The following UBAC2 variants were observed in gnomAD, a reference collection of about 807,000 sequenced individuals.
The protein encoded by UBAC2 is UBA domain containing 2.
A neutral mutation model predicts 44.0 loss-of-function variants in UBAC2; 26 were observed. The ratio of observed to expected loss-of-function variants is 0.59; its 90% CI spans 0.43 to 0.82. The LOEUF is 0.82. UBAC2 is among the 40% of genes least tolerant of loss of function. The pLI is 0.00. For synonymous variants in UBAC2, 155 were observed against 154.3 expected (o/e 1.00, Z -0.04); for missense variants, 329 against 419.4 (o/e 0.78, Z 1.88).
chr13:99,212,196 T>TTGGCATTTTTA (rs1378241391), intron 1 of UBAC2, among the ~76,000 whole-genome samples: 2 of 152,204 alleles, frequency 1.3e-5, no homozygotes, highest in Non-Finnish European at 2.9e-5. Flanking sequence ...AATTTTAAAA[T>TTGGCATTTTTA]TGGCATTTTT....
chr13:99,237,912 G>A (rs1241359635), intron 1 of UBAC2, among the ~76,000 whole-genome samples: 6 of 152,172 alleles, frequency 3.9e-5, no homozygotes, highest in South Asian at 2.1e-4. Flanking sequence ...CCGAGATTGC[G>A]CCACTGCACT....
Position 99,367,782 on chromosome 13 carries a change from T to C in UBAC2, c.808-5T>C. On this transcript the variant is annotated splice_region_variant and splice_polypyrimidine_tract_variant and intron_variant, in intron 7 of 8. Coordinates refer to ENST00000403766, the MANE Select transcript of UBAC2 (RefSeq NM_001144072.2). ...TCTGATAACTGTGTGTTGATCTCTT[T>C]TTAGGGAGGAATGATCAATTGGAAT... 1.9e-6 allele frequency: 3 copies of C among 1,613,928 alleles called. No homozygotes were observed. Among genetic ancestry groups the C allele is most frequent in the Non-Finnish European group, 2.5e-6 (3 of 1,179,856 alleles).
chr13:99,316,520 C>G (rs181642276), intron 5 of UBAC2, among the ~76,000 whole-genome samples: 1 of 152,224 alleles, frequency 6.6e-6, no homozygotes, highest in Non-Finnish European at 1.5e-5. Context: ...CCCATAACAT[C>G]ATGCCCTGTG....
At chr13:99,315,497 T>C (rs746186380) in intron 5 of UBAC2, among the ~76,000 whole-genome samples, 18 of 152,302 alleles carry the variant, frequency 1.2e-4, no homozygotes, top group Middle Eastern at 3.4e-3. Flanking sequence ...AAACACTGTT[T>C]TATTAATTGT....
chr13:99,231,409 T>G (rs2043171187), intron 1 of UBAC2: 2 of 110,262 alleles, frequency 1.8e-5, no homozygotes, highest in African/African-American at 7.4e-5. Context: ...TGTATACATT[T>G]TTTTTTTTTT....
intron 4 of UBAC2, among the ~76,000 whole-genome samples, chr13:99,287,035 TA>T (rs1594089207): frequency 6.6e-6 from 1 of 152,176 alleles, no homozygotes; most frequent in African/African-American, 2.4e-5. Context: ...AATTTTCAAA[TA>T]TACATAAATA....
intron 1 of UBAC2, among the ~76,000 whole-genome samples, chr13:99,220,701 C>G (rs976230770): frequency 6.6e-6 from 1 of 152,130 alleles, no homozygotes; most frequent in African/African-American, 2.4e-5. Flanking sequence ...TCTTAACCTT[C>G]TGTTTGATCT....
At chr13:99,291,595 C>T (rs1244777765) in intron 4 of UBAC2, among the ~76,000 whole-genome samples, 1 of 152,162 alleles carries the variant, frequency 6.6e-6, no homozygotes, top group African/African-American at 2.4e-5. Flanking sequence ...ACTGTCTGCC[C>T]TTGCCTCTTG....
chr13:99,278,691 G>A (rs1044220699), intron 4 of UBAC2, among the ~76,000 whole-genome samples: 1 of 152,114 alleles, frequency 6.6e-6, no homozygotes, highest in African/African-American at 2.4e-5. Flanking sequence ...TAGATAAGTT[G>A]AATGGATAGA....
chr13:99,369,041 A>G (rs952423488), intron 8 of UBAC2, among the ~76,000 whole-genome samples: 17 of 152,238 alleles, frequency 1.1e-4, no homozygotes, highest in Non-Finnish European at 7.3e-5. Flanking sequence ...AAGGATAGTA[A>G]GAATACATGC....
At chr13:99,248,912 T>C (rs2043422698) in intron 4 of UBAC2, among the ~76,000 whole-genome samples, 1 of 152,188 alleles carries the variant, frequency 6.6e-6, no homozygotes, top group Non-Finnish European at 1.5e-5. Flanking sequence ...CTCTGTCTTC[T>C]TTCCCTCTTT....
At chr13:99,307,392 A>G (rs191373302) in intron 4 of UBAC2, 1 of 152,202 alleles carries the variant, frequency 6.6e-6, no homozygotes, top group East Asian at 1.9e-4. Flanking sequence ...AGTTGTCCAA[A>G]CTGAAGTAAG....
At chr13:99,206,879 G>C (rs2042878851) in intron 1 of UBAC2, among the ~76,000 whole-genome samples, 1 of 152,186 alleles carries the variant, frequency 6.6e-6, no homozygotes, top group Non-Finnish European at 1.5e-5. Context: ...TCACCTGGGT[G>C]CTCCTTCCGC....
chr13:99,262,567 G>T (rs1274034868), intron 4 of UBAC2, among the ~76,000 whole-genome samples: 1 of 152,044 alleles, frequency 6.6e-6, no homozygotes, highest in African/African-American at 2.4e-5. Context: ...GCTGGGCATG[G>T]TGGTGCGTGC....
intron 6 of UBAC2, among the ~76,000 whole-genome samples, chr13:99,340,105 A>G (rs968685865): frequency 1.2e-4 from 19 of 152,230 alleles, no homozygotes; most frequent in African/African-American, 1.9e-4. Context: ...TTCTAATTCA[A>G]TAAAAAACAA....
At chr13:99,360,458 A>G (rs2045250313) in intron 7 of UBAC2, among the ~76,000 whole-genome samples, 2 of 152,220 alleles carry the variant, frequency 1.3e-5, no homozygotes, top group Non-Finnish European at 2.9e-5. Flanking sequence ...ATGTTTGAAA[A>G]TGCATCTAAG....
chr13:99,223,172 A>G (rs2043070238), intron 1 of UBAC2, among the ~76,000 whole-genome samples: 2 of 152,200 alleles, frequency 1.3e-5, no homozygotes, highest in Admixed American at 6.5e-5. Context: ...TAGTTGTGAT[A>G]AGACATTTTA....
intron 1 of UBAC2, among the ~76,000 whole-genome samples, chr13:99,237,265 TATATATACAC>T (rs1258630754): frequency 6.1e-5 from 7 of 113,978 alleles, no homozygotes; most frequent in Admixed American, 3.7e-4. Context: ...TATATATATA[TATATATACAC>T]ACACACACAC....
chr13:99,299,898 C>T (rs776200097), intron 4 of UBAC2, among the ~76,000 whole-genome samples: 2 of 152,176 alleles, frequency 1.3e-5, no homozygotes, highest in Non-Finnish European at 2.9e-5. Context: ...TTAAAAGCCA[C>T]GCTGGGCTTA....
Sources: gnomAD v4.1 joint callset for allele counts (sites outside exome capture counted in the v4.1 genomes callset) on GRCh38, gnomAD v4.1.1 for gene constraint, MANE v1.5 for transcripts, NCBI Gene and HGNC (gene_info 2026-07-23, HGNC 2026-07-21) for gene names.